The following NELL1 variants were observed in gnomAD, a reference collection of about 807,000 sequenced individuals.
NELL1 encodes the protein protein kinase C-binding protein NELL1.
A neutral mutation model predicts 107.4 loss-of-function variants in NELL1; 76 were observed. The ratio of observed to expected loss-of-function variants is 0.71; its 90% CI spans 0.59 to 0.86. The LOEUF is 0.86. NELL1 is among the 40% of genes least tolerant of loss of function. The pLI is 0.00. For synonymous variants in NELL1, 353 were observed against 341.2 expected (o/e 1.03, Z -0.38); for missense variants, 1,024 against 1,005.5 (o/e 1.02, Z -0.25).
chr11:21,085,336 G>T (rs938925859), intron 12 of NELL1, among the ~76,000 whole-genome samples: 2 of 152,254 alleles, frequency 1.3e-5, no homozygotes, highest in African/African-American at 4.8e-5. Flanking sequence ...ACTAGCTTTG[G>T]TCAAAGTTTA....
At chr11:21,469,074 T>G (rs918752984) in intron 15 of NELL1, among the ~76,000 whole-genome samples, 2 of 152,038 alleles carry the variant, frequency 1.3e-5, no homozygotes, top group African/African-American at 4.8e-5. Context: ...GACATATCCT[T>G]GAAATGCCAA....
intron 12 of NELL1, among the ~76,000 whole-genome samples, chr11:21,044,322 T>C (rs1026919931): frequency 2.0e-5 from 3 of 152,170 alleles, no homozygotes; most frequent in African/African-American, 7.2e-5. Context: ...CTGTTGCTGG[T>C]GACCTTGTTG....
At chr11:21,176,623 G>A (rs1441856576) in intron 13 of NELL1, among the ~76,000 whole-genome samples, 2 of 151,770 alleles carry the variant, frequency 1.3e-5, no homozygotes, top group African/African-American at 2.4e-5. Flanking sequence ...AAAATTAAGG[G>A]AAAAACTGAA....
chr11:21,289,505 C>T (rs1849202392), intron 14 of NELL1, among the ~76,000 whole-genome samples: 2 of 152,214 alleles, frequency 1.3e-5, no homozygotes, highest in South Asian at 4.1e-4. Context: ...TTCCCATGGT[C>T]TTCGCAACTT....
At chr11:21,162,804 T>C (rs779567650) in intron 13 of NELL1, among the ~76,000 whole-genome samples, 1 of 152,160 alleles carries the variant, frequency 6.6e-6, no homozygotes, top group Non-Finnish European at 1.5e-5. Context: ...CAATCACTAG[T>C]TTATGAATTT....
At chr11:21,546,782 A>G (rs1856453893) in intron 16 of NELL1, among the ~76,000 whole-genome samples, 1 of 151,928 alleles carries the variant, frequency 6.6e-6, no homozygotes, top group Non-Finnish European at 1.5e-5. Flanking sequence ...ATTATCTACA[A>G]TTTCTTTGAA....
chr11:21,201,713 A>G (rs1857274270), intron 13 of NELL1, among the ~76,000 whole-genome samples: 1 of 152,202 alleles, frequency 6.6e-6, no homozygotes, highest in Admixed American at 6.5e-5. Flanking sequence ...CCAGTTTTCA[A>G]AGGGAATGCT....
intron 14 of NELL1, among the ~76,000 whole-genome samples, chr11:21,282,991 G>T (rs150953308): frequency 2.2e-3 from 329 of 152,046 alleles, no homozygotes; most frequent in African/African-American, 7.7e-3. Context: ...TGGACTCATG[G>T]AGATAGAAAG....
intron 14 of NELL1, among the ~76,000 whole-genome samples, chr11:21,352,018 T>C (rs60686850): frequency 1.5e-3 from 230 of 152,286 alleles, no homozygotes; most frequent in African/African-American, 5.3e-3. Flanking sequence ...CTTTTTGCAA[T>C]TCCTGGACAT....
intron 12 of NELL1, among the ~76,000 whole-genome samples, chr11:21,065,562 A>G (rs780573005): frequency 6.6e-6 from 1 of 152,082 alleles, no homozygotes; most frequent in Non-Finnish European, 1.5e-5. Flanking sequence ...TTCTCTTTTT[A>G]TTTTCCTGGT....
chr11:20,687,045 C>CTCT (rs1555053227), intron 2 of NELL1, among the ~76,000 whole-genome samples: 6 of 128,972 alleles, frequency 4.7e-5, no homozygotes, highest in African/African-American at 1.1e-4. Flanking sequence ...CTCTCTCTCT[C>CTCT]TTTTTTTTTT....
At chr11:21,350,523 C>A (rs893969059) in intron 14 of NELL1, among the ~76,000 whole-genome samples, 1 of 152,150 alleles carries the variant, frequency 6.6e-6, no homozygotes. Context: ...GAAGCCAAAG[C>A]ATTTATAAAA....
At chr11:21,491,085 A>G (rs1196343169) in intron 15 of NELL1, among the ~76,000 whole-genome samples, 1 of 152,122 alleles carries the variant, frequency 6.6e-6, no homozygotes, top group Non-Finnish European at 1.5e-5. Context: ...CAAGGAACTC[A>G]AACAACTCAA....
chr11:21,217,765 G>A (rs1857652268), intron 13 of NELL1, among the ~76,000 whole-genome samples: 1 of 152,094 alleles, frequency 6.6e-6, no homozygotes, highest in South Asian at 2.1e-4. Flanking sequence ...ACAAAATAAA[G>A]CCACAAGCCA....
At chr11:21,343,482 G>T (rs1017395195) in intron 14 of NELL1, among the ~76,000 whole-genome samples, 2 of 151,832 alleles carry the variant, frequency 1.3e-5, no homozygotes, top group African/African-American at 4.8e-5. Context: ...CTTCCTTAAT[G>T]TTTTTTTAAT....
intron 12 of NELL1, among the ~76,000 whole-genome samples, chr11:21,027,451 A>ATCTCTATTTCTGGTTTTCTATCTAGTT: frequency 6.6e-6 from 1 of 151,168 alleles, no homozygotes; most frequent in African/African-American, 2.5e-5. Context: ...ATGAAACAAG[A>ATCTCTATTTCTGGTTTTCTATCTAGTT]TTCCAAGCTG....
intron 2 of NELL1, among the ~76,000 whole-genome samples, chr11:20,755,702 T>C (rs1356063820): frequency 1.3e-5 from 2 of 150,592 alleles, no homozygotes; most frequent in Admixed American, 6.6e-5. Context: ...ATTACAGGCA[T>C]GAGCCACCAG....
chr11:21,356,084 C>T (rs1457023576), intron 14 of NELL1, among the ~76,000 whole-genome samples: 1 of 152,176 alleles, frequency 6.6e-6, no homozygotes, highest in Non-Finnish European at 1.5e-5. Flanking sequence ...ACACACTTCC[C>T]ACACTGTGTC....
intron 12 of NELL1, among the ~76,000 whole-genome samples, chr11:20,973,101 CTTTTTTTTTTTTTT>C (rs761894107): frequency 3.2e-5 from 3 of 92,500 alleles, no homozygotes; most frequent in Admixed American, 1.2e-4. Flanking sequence ...ATCTTCATTA[CTTTTTTTTTTTTTT>C]TTTTTTTTTT....
Sources: gnomAD v4.1 joint callset for allele counts (sites outside exome capture counted in the v4.1 genomes callset) on GRCh38, gnomAD v4.1.1 for gene constraint, MANE v1.5 for transcripts, NCBI Gene and HGNC (gene_info 2026-07-23, HGNC 2026-07-21) for gene names.